The following MYO16 variants were observed in gnomAD, a reference collection of about 807,000 sequenced individuals.
MYO16 encodes the protein unconventional myosin-XVI.
MYO16 carries 94 observed loss-of-function variants against 205.3 expected under a neutral mutation model. That is an observed-to-expected ratio of 0.46 (90% CI 0.39 to 0.54). The LOEUF is 0.54. Ranked by LOEUF, MYO16 falls within the 20% of genes least tolerant of loss-of-function variation. The pLI, the probability that MYO16 is intolerant of heterozygous loss-of-function variation, is 0.00. For missense variants in MYO16, 2,315 were observed against 2,387.5 expected, an observed-to-expected ratio of 0.97 and a Z score of 0.63; for synonymous variants, 988 against 954.0, an observed-to-expected ratio of 1.04 and a Z score of -0.66.
chr13:108,840,136 G>A (rs7986392), intron 9 of MYO16, among the ~76,000 whole-genome samples: 310 of 152,226 alleles, frequency 2.0e-3, no homozygotes, highest in African/African-American at 7.2e-3. Context: ...CATCTGTACT[G>A]TACCATGCTA....
intron 1 of MYO16, among the ~76,000 whole-genome samples, chr13:108,645,112 TA>T: frequency 6.6e-6 from 1 of 152,138 alleles, no homozygotes; most frequent in East Asian, 1.9e-4. Flanking sequence ...GAGTCTTCCT[TA>T]CTCATGATGA....
intron 21 of MYO16, among the ~76,000 whole-genome samples, chr13:109,008,691 C>G (rs1885487567): frequency 7.1e-6 from 1 of 141,178 alleles, no homozygotes; most frequent in Non-Finnish European, 1.5e-5. Flanking sequence ...TGTGTATGCA[C>G]TACTGTACTG....
intron 33 of MYO16, among the ~76,000 whole-genome samples, chr13:109,176,440 T>C (rs1879179537): frequency 6.6e-6 from 1 of 151,802 alleles, no homozygotes; most frequent in Admixed American, 6.6e-5. Context: ...ATATGTTTAT[T>C]TTTAATGTTT....
At position 109,008,008 on chromosome 13, in the gene MYO16, A is replaced by G. The variant is rs568346772; in HGVS notation, c.2443-889A>G. Among the ~76,000 whole-genome samples the G allele has an allele frequency of 2.0e-5, 3 of 152,296 alleles. No individual in the cohort carries two copies. The South Asian group carries it at 6.2e-4, about 32-fold the overall frequency. ...TCAAATATATTTTCCTTTTGGAAAT[A>G]TTTTAAATGCTCAAATATATTTGAG... On this transcript the variant is annotated intron_variant, in intron 21 of 34. Coordinates refer to ENST00000457511, the MANE Select transcript of MYO16 (RefSeq NM_001198950.3).
chr13:108,896,524 A>G (rs1467649835), intron 14 of MYO16, among the ~76,000 whole-genome samples: 1 of 152,224 alleles, frequency 6.6e-6, no homozygotes, highest in African/African-American at 2.4e-5. Context: ...CTTCAAACAC[A>G]GAAGTTTTAA....
At chr13:108,534,534 T>C in the MYO16 span, among the ~76,000 whole-genome samples, 71 of 151,976 alleles carry the variant, frequency 4.7e-4, no homozygotes, top group South Asian at 8.3e-4. Context: ...CTAAACCTTT[T>C]ACGAAAAAAT....
At chr13:108,767,646 T>A (rs1423703586) in intron 4 of MYO16, among the ~76,000 whole-genome samples, 1 of 152,070 alleles carries the variant, frequency 6.6e-6, no homozygotes, top group Non-Finnish European at 1.5e-5. Flanking sequence ...TTTTGTTAAA[T>A]ACATTGATGG....
intron 7 of MYO16, among the ~76,000 whole-genome samples, chr13:108,809,567 C>T (rs78220460): frequency 0.016 from 2,455 of 152,182 alleles, 56 homozygotes; most frequent in African/African-American, 0.047. Context: ...ATGTATGCTT[C>T]GGGCGGGCAG....
intron 3 of MYO16, among the ~76,000 whole-genome samples, chr13:108,720,681 C>T (rs1884129619): frequency 6.6e-6 from 1 of 152,124 alleles, no homozygotes; most frequent in South Asian, 2.1e-4. Context: ...AATTATTTCT[C>T]TAGTCTCCTC....
the MYO16 span, among the ~76,000 whole-genome samples, chr13:108,502,014 C>T: frequency 6.6e-5 from 10 of 152,218 alleles, 1 homozygote; most frequent in East Asian, 1.2e-3. Context: ...GAGATCGAGA[C>T]CATCCTGGCT....
At chr13:108,886,596 C>A in intron 13 of MYO16, 1 of 426,354 alleles carries the variant, frequency 2.3e-6, no homozygotes, top group South Asian at 1.7e-5. Flanking sequence ...GGCTCCACCC[C>A]CCGTCCTTCC....
At chr13:108,666,744 T>C (rs1468016913) in intron 2 of MYO16, among the ~76,000 whole-genome samples, 1 of 152,206 alleles carries the variant, frequency 6.6e-6, no homozygotes, top group Non-Finnish European at 1.5e-5. Flanking sequence ...TGGCTTGTGG[T>C]ATCATGTTTT....
At chr13:108,615,479 C>T (rs1879317543) in intron 1 of MYO16, among the ~76,000 whole-genome samples, 1 of 152,014 alleles carries the variant, frequency 6.6e-6, no homozygotes, top group Admixed American at 6.6e-5. Flanking sequence ...AAACATATGT[C>T]CACACAAAAA....
intron 34 of MYO16, among the ~76,000 whole-genome samples, chr13:109,188,025 A>G (rs533033786): frequency 5.3e-5 from 8 of 152,328 alleles, no homozygotes; most frequent in African/African-American, 1.9e-4. Context: ...TGGAAGCTAT[A>G]TTTGAGATAC....
At chr13:108,664,533 T>C (rs937216258) in intron 1 of MYO16, among the ~76,000 whole-genome samples, 2 of 152,204 alleles carry the variant, frequency 1.3e-5, no homozygotes, top group Non-Finnish European at 2.9e-5. Flanking sequence ...TCATGACTTG[T>C]TGTTCCTTCA....
intron 29 of MYO16, among the ~76,000 whole-genome samples, chr13:109,124,554 C>A (rs117546351): frequency 0.015 from 2,276 of 152,226 alleles, 31 homozygotes; most frequent in South Asian, 0.029. Flanking sequence ...CTCATTTCCC[C>A]CAACTTTTAC....
the MYO16 span, among the ~76,000 whole-genome samples, chr13:108,574,144 C>T: frequency 7.2e-5 from 11 of 152,302 alleles, no homozygotes; most frequent in South Asian, 4.1e-4. Flanking sequence ...TGAGCCACTG[C>T]GCCCAGCCTA....
At chr13:108,645,782 T>C (rs1274704391) in intron 1 of MYO16, among the ~76,000 whole-genome samples, 4 of 152,218 alleles carry the variant, frequency 2.6e-5, no homozygotes, top group African/African-American at 9.6e-5. Context: ...CAACACTGCC[T>C]ATCCCACCTG....
chr13:109,198,039 T>G (rs1374031656), intron 34 of MYO16, among the ~76,000 whole-genome samples: 1 of 152,196 alleles, frequency 6.6e-6, no homozygotes, highest in Non-Finnish European at 1.5e-5. Context: ...GAACTTACCC[T>G]GCTTTGCAAT....
Sources: allele counts gnomAD v4.1 joint callset (sites outside exome capture counted in the v4.1 genomes callset), GRCh38; gene constraint gnomAD v4.1.1; transcripts MANE v1.5; gene names NCBI Gene and HGNC (gene_info 2026-07-23, HGNC 2026-07-21).